Variants in HOOK3 observed in about 807,000 individuals in gnomAD.
The protein encoded by HOOK3 is hook microtubule tethering protein 3.
Under a neutral mutation model 116.3 loss-of-function variants are expected in HOOK3, and 24 were observed. The ratio of observed to expected loss-of-function variants is 0.21; its 90% CI spans 0.15 to 0.29. The LOEUF is 0.29. HOOK3 is among the 10% of genes least tolerant of loss of function. The probability of loss-of-function intolerance (pLI) is 1.00; values close to 1 mark genes in which losing one functional copy is unlikely to be tolerated. For synonymous variants in HOOK3, 275 were observed against 283.0 expected (o/e 0.97, Z 0.28); for missense variants, 632 against 830.2 (o/e 0.76, Z 2.93).
intron 15 of HOOK3, among the ~76,000 whole-genome samples, chr8:42,990,880 C>G (rs1168155632): frequency 6.6e-6 from 1 of 152,150 alleles, no homozygotes; most frequent in Admixed American, 6.5e-5. Flanking sequence ...TGGAGTATTA[C>G]TCAAGAAATC....
At chr8:42,980,703 G>A (rs1014050592) in intron 13 of HOOK3, among the ~76,000 whole-genome samples, 4 of 152,052 alleles carry the variant, frequency 2.6e-5, no homozygotes, top group Non-Finnish European at 5.9e-5. Flanking sequence ...GGCTGACATG[G>A]TGAAAACCCG....
chr8:42,970,780 G>GTTTTTTTTTTTTTTTTT (rs1299118892), intron 11 of HOOK3, among the ~76,000 whole-genome samples: 3 of 127,922 alleles, frequency 2.3e-5, no homozygotes, highest in African/African-American at 1.0e-4. Flanking sequence ...AGGAATTTGG[G>GTTTTTTTTTTTTTTTTT]TCTTTTTTTT....
chr8:42,897,858 T>C (rs561229007), intron 1 of HOOK3, among the ~76,000 whole-genome samples: 24 of 152,150 alleles, frequency 1.6e-4, no homozygotes, highest in African/African-American at 5.8e-4. Flanking sequence ...CGCGCCTTCC[T>C]GAAGCCGGGT....
At chr8:42,956,585 G>GT (rs1563300610) in intron 6 of HOOK3, among the ~76,000 whole-genome samples, 1 of 151,434 alleles carries the variant, frequency 6.6e-6, no homozygotes, top group African/African-American at 2.4e-5. Flanking sequence ...TTTTAATTTT[G>GT]TTTTTTGTTT....
At chr8:43,008,383 A>G (rs1287612430) in intron 18 of HOOK3, among the ~76,000 whole-genome samples, 1 of 150,836 alleles carries the variant, frequency 6.6e-6, no homozygotes, top group Non-Finnish European at 1.5e-5. Flanking sequence ...GTATGATCAC[A>G]GCTCACTGCA....
intron 21 of HOOK3, among the ~76,000 whole-genome samples, chr8:43,014,427 C>T (rs1366739688): frequency 6.6e-6 from 1 of 151,786 alleles, no homozygotes; most frequent in African/African-American, 2.4e-5. Context: ...TCTCGGCTCA[C>T]TGCAACCTCC....
At chr8:43,007,969 C>T in intron 18 of HOOK3, 40 bp downstream of exon 18, 5 of 996,976 alleles carry the variant, frequency 5.0e-6, no homozygotes, top group African/African-American at 1.6e-5. Context: ...AGTGGGCTTG[C>T]TGTATACTGC....
intron 1 of HOOK3, chr8:42,897,437 G>C: frequency 2.7e-6 from 1 of 369,018 alleles, no homozygotes; most frequent in Non-Finnish European, 4.8e-6. Context: ...GGATCCGTGC[G>C]GCTGCTCGCA....
At position 43,022,267 on chromosome 8, in the gene HOOK3, A is replaced by G. The variant is rs556353341; in HGVS notation, c.*3769A>G. ...GGAGATTCGTGATGTTGTCTGGTCT[A>G]TCTGGAAATTTAAAGTCACTAGGAG... is the stretch of plus-strand genomic sequence containing the variant. On this transcript the variant is annotated 3_prime_UTR_variant, in exon 22 of 22. Coordinates refer to ENST00000307602, the MANE Select transcript of HOOK3 (RefSeq NM_032410.4). 84 of 208,580 alleles carry G rather than the reference A, an allele frequency of 4.0e-4. No homozygotes were observed. The highest frequency in any genetic ancestry group is 1.7e-3 in the African/African-American group (75 of 44,002). The allele number at this position is 208,580 out of a possible 1,614,324, so 12.9% of individuals were successfully genotyped here.
chr8:43,019,744 C>A lies in HOOK3; in HGVS notation c.*1246C>A, dbSNP rs901309819. On this transcript the variant is annotated 3_prime_UTR_variant, in exon 22 of 22. Transcript: ENST00000307602. Reference sequence around the variant, plus strand: ...AAGGTGCTATATAAGTGTGAAATATCATTCATTTATAAATGAAATGCCTTC... The same window carrying A: ...AAGGTGCTATATAAGTGTGAAATATAATTCATTTATAAATGAAATGCCTTC... 1 of 204,946 alleles carries A rather than the reference C, an allele frequency of 4.9e-6. No individual in the cohort carries two copies. Among genetic ancestry groups the A allele is most frequent in the South Asian group, 1.9e-4 (1 of 5,302 alleles). 12.7% of individuals were successfully genotyped at this position (204,946 alleles called of 1,614,324 possible).
intron 4 of HOOK3, among the ~76,000 whole-genome samples, chr8:42,938,920 T>C (rs938265613): frequency 1.3e-5 from 2 of 152,040 alleles, no homozygotes; most frequent in Admixed American, 1.3e-4. Flanking sequence ...TGATGACTCT[T>C]AACGAGCATG....
intron 2 of HOOK3, among the ~76,000 whole-genome samples, chr8:42,906,978 A>T (rs561467555): frequency 1.3e-5 from 2 of 152,356 alleles, no homozygotes; most frequent in South Asian, 2.1e-4. Flanking sequence ...TATTTGGGAT[A>T]AATAAAGCAT....
chr8:42,984,970 AAATATGCTCTGTGTCCAG>A (rs555599608), intron 14 of HOOK3, among the ~76,000 whole-genome samples: 107 of 152,354 alleles, frequency 7.0e-4, no homozygotes, highest in African/African-American at 2.4e-3. Context: ...ATACGGATTA[AAATATGCTCTGTGTCCAG>A]AAGAGAGCTA....
chr8:42,941,481 G>A (rs980317269), intron 4 of HOOK3, among the ~76,000 whole-genome samples: 5 of 134,994 alleles, frequency 3.7e-5, no homozygotes, highest in Non-Finnish European at 6.1e-5. Context: ...TCGCGCCACT[G>A]CACTCCAGCC....
intron 6 of HOOK3, among the ~76,000 whole-genome samples, chr8:42,952,409 A>T (rs2130399615): frequency 6.6e-6 from 1 of 152,368 alleles, no homozygotes; most frequent in East Asian, 1.9e-4. Context: ...TGCCAACCAG[A>T]GAAGCTTACC....
At chr8:42,902,552 A>G (rs573356934) in intron 1 of HOOK3, among the ~76,000 whole-genome samples, 2 of 152,250 alleles carry the variant, frequency 1.3e-5, no homozygotes, top group African/African-American at 2.4e-5. Flanking sequence ...GGTAACAGGT[A>G]TAAGCCACCA....
intron 13 of HOOK3, among the ~76,000 whole-genome samples, chr8:42,981,243 G>A (rs192961471): frequency 4.6e-5 from 7 of 151,654 alleles, no homozygotes; most frequent in African/African-American, 1.4e-4. Context: ...GGTGGAGATG[G>A]GGTTTCACCT....
rs1809902682 is a variant in HOOK3 at position 43,024,811 on chromosome 8, A to T, written c.*6313A>T. The T allele has an allele frequency of 4.9e-6, 1 of 205,682 alleles. No individual in the cohort carries two copies. Among genetic ancestry groups the T allele is most frequent in the South Asian group, 1.9e-4 (1 of 5,290 alleles). The allele number at this position is 205,682 out of a possible 1,614,324, so 12.7% of individuals were successfully genotyped here. On this transcript the variant is annotated 3_prime_UTR_variant, in exon 22 of 22. Coordinates refer to ENST00000307602, the MANE Select transcript of HOOK3 (RefSeq NM_032410.4). Reference sequence around the variant, plus strand: ...AAAACATAACATAATATGCTAACAGAGCTAATTTCCACCCAATCCCTCAAA... The same window carrying T: ...AAAACATAACATAATATGCTAACAGTGCTAATTTCCACCCAATCCCTCAAA...
chr8:42,943,096 T>C (rs1302907970), intron 4 of HOOK3, among the ~76,000 whole-genome samples: 1 of 151,446 alleles, frequency 6.6e-6, no homozygotes, highest in African/African-American at 2.4e-5. Context: ...TTTTGCTCGA[T>C]GTACATGCCA....
Sources: allele counts gnomAD v4.1 joint callset (sites outside exome capture counted in the v4.1 genomes callset), GRCh38; gene constraint gnomAD v4.1.1; transcripts MANE v1.5; gene names NCBI Gene and HGNC (gene_info 2026-07-23, HGNC 2026-07-21).